Variants in AMER3 observed in about 807,000 individuals in gnomAD.
The protein encoded by AMER3 is family with sequence similarity 123C.
For synonymous variants in AMER3, 541 were observed against 485.5 expected (o/e 1.11, Z -1.50); for missense variants, 1,201 against 1,139.4 (o/e 1.05, Z -0.78).
chr2:130,765,026 A>C lies in AMER3; in HGVS notation c.*368A>C. The C allele has an allele frequency of 4.9e-6, 1 of 203,738 alleles. No individual in the cohort carries two copies. Among genetic ancestry groups the C allele is most frequent in the Non-Finnish European group, 1.1e-5 (1 of 91,660 alleles). 12.6% of individuals were successfully genotyped at this position (203,738 alleles called of 1,614,324 possible). On this transcript the variant is annotated 3_prime_UTR_variant, in exon 2 of 2. Transcript: ENST00000321420. ...GTGAATCCCAAAAGACGCAATCCCAAATGCCATAGTCCCAAGTGTTGAGAA... is the reference window on the plus strand; with the variant it reads ...GTGAATCCCAAAAGACGCAATCCCACATGCCATAGTCCCAAGTGTTGAGAA...
At position 130,764,509 on chromosome 2, in the gene AMER3, C is replaced by A; in HGVS notation, c.2437C>A (p.Leu813Met). ...TTCCCAGGGCCACCATCCAGAAAGC[C>A]TGGGCCTCACTTTGAACAGCCAGCA... ...WSSQGHHPES[L>M]GLTLNSQQEG... The change falls in exon 2 of 2, where the codon CTG (leucine) becomes ATG (methionine). Residue 813 changes from leucine to methionine, a missense_variant. Physicochemically the swap from Leu to Met is conservative, Grantham distance 15 (BLOSUM62 2). Transcript: ENST00000321420. 1 of 1,602,194 alleles carries A rather than the reference C, an allele frequency of 6.2e-7. No homozygotes were observed. The highest frequency in any genetic ancestry group is 8.5e-7 in the Non-Finnish European group (1 of 1,174,994).
rs1678963711 is a variant in AMER3, at chr2:130,765,702, A to G, written c.*1044A>G. 6.0e-6 allele frequency: 1 copy of G among 167,064 alleles called. No individual in the cohort carries two copies. The highest frequency in any genetic ancestry group is 1.5e-5 in the Non-Finnish European group (1 of 68,140). 10.3% of individuals were successfully genotyped at this position (167,064 alleles called of 1,614,324 possible). A position where few individuals can be genotyped will look rare whatever the true frequency, so the allele number is the denominator to read the frequency against. ...AGAGTCCAAAGGCCAGCGAGCCTGA[A>G]GCTCTGATGTCAAGGCAGTGGAAGA... On this transcript the variant is annotated 3_prime_UTR_variant, in exon 2 of 2. Transcript: ENST00000321420.
intron 1 of AMER3, among the ~76,000 whole-genome samples, chr2:130,757,341 A>G (rs754681503): frequency 1.9e-4 from 29 of 152,294 alleles, no homozygotes; most frequent in Non-Finnish European, 3.2e-4. Flanking sequence ...AGTCTCTGCC[A>G]CCACCTTCTC....
chr2:130,757,305 T>C (rs1205767634), intron 1 of AMER3, among the ~76,000 whole-genome samples: 1 of 152,238 alleles, frequency 6.6e-6, no homozygotes, highest in Non-Finnish European at 1.5e-5. Context: ...TGTAAAACAC[T>C]GTGATGGGAG....
In AMER3 at chr2:130,763,765, A is replaced by C. The variant is rs1678889524; in HGVS notation, c.1693A>C (p.Arg565=). ...GGCGACAGTTTGCTCAGCACCCAGC[A>C]GGCAGGAGCTGTGGGCACACCCGGG... The part of the protein sequence containing the change: ...GGATVCSAPS[R]QELWAHPGTT... The change falls in exon 2 of 2, where the codon AGG becomes CGG. Residue 565 remains arginine (R), a synonymous_variant. Coordinates refer to ENST00000321420, the MANE Select transcript of AMER3 (RefSeq NM_152698.3). The C allele has an allele frequency of 6.3e-7, 1 of 1,599,536 alleles. No individual in the cohort carries two copies. Among genetic ancestry groups the C allele is most frequent in the Non-Finnish European group, 8.5e-7 (1 of 1,172,790 alleles).
At position 130,760,188 on chromosome 2, in the gene AMER3, TG is replaced by T. The variant is rs1261384793; in HGVS notation, c.-19-1864del. On this transcript the variant is annotated intron_variant, in intron 1 of 1. Transcript: ENST00000321420. ...CAGCTGGAGCCCAGCCCAGGTTCTG[TG>T]GCTCTCCTGGCATGGTGCCTACTTC... Among the ~76,000 whole-genome samples, 6 of 152,364 alleles carry T rather than the reference TG, an allele frequency of 3.9e-5. No homozygotes were observed. In the South Asian group the frequency reaches 6.2e-4, roughly 16 times the overall value.
chr2:130,763,923 G>A lies in AMER3; in HGVS notation c.1851G>A (p.Glu617=), dbSNP rs771569016. The A allele has an allele frequency of 1.2e-6, 2 of 1,613,708 alleles. No homozygotes were observed. The highest frequency in any genetic ancestry group is 2.2e-5 in the South Asian group (2 of 91,090). Residue 617 remains glutamate, a synonymous_variant, in exon 2 of 2, where the codon GAG becomes GAA. Coordinates refer to ENST00000321420, the MANE Select transcript of AMER3 (RefSeq NM_152698.3). ...CTGAAGGCTTGTTCTCCTCTATGGA[G>A]TCTGCAGCCACTTCGACAACAGATA... is the stretch of plus-strand genomic sequence containing the variant. ...GHSEGLFSSM[E]SAATSTTDTS... is the part of the protein sequence containing the mutation.
chr2:130,757,159 A>C (rs766167170), intron 1 of AMER3, among the ~76,000 whole-genome samples: 1 of 152,232 alleles, frequency 6.6e-6, no homozygotes, highest in South Asian at 2.1e-4. Flanking sequence ...GAAAGGAAAA[A>C]AAAAGCCACG....
Position 130,763,169 on chromosome 2 carries a change from C to G in AMER3, c.1097C>G (p.Ser366Cys), listed in dbSNP as rs773236761. ...CCTCGCAGCGGCTCCAAAGCCAGCT[C>G]CATCGACACAGGCACCCCCAAGAGC... is the stretch of plus-strand genomic sequence containing the variant. ...RDPRSGSKAS[S>C]IDTGTPKSEQ... Residue 366 changes from serine to cysteine, a missense_variant, in exon 2 of 2, where the codon TCC becomes TGC. By Grantham distance (112) the Ser-to-Cys change is moderately radical. Coordinates refer to ENST00000321420, the MANE Select transcript of AMER3 (RefSeq NM_152698.3). 4 of 1,613,584 alleles carry G rather than the reference C, an allele frequency of 2.5e-6. No individual in the cohort carries two copies. Among genetic ancestry groups the G allele is most frequent in the Non-Finnish European group, 2.5e-6 (3 of 1,180,030 alleles).
In AMER3 at chr2:130,763,197, G is replaced by A. The variant is rs1251668228; in HGVS notation, c.1125G>A (p.Glu375=). Residue 375 remains glutamate, a synonymous_variant, in exon 2 of 2, where the codon GAG becomes GAA. Transcript: ENST00000321420. Reference sequence around the variant, plus strand: ...TCGACACAGGCACCCCCAAGAGCGAGCAGCCCGAATCCGTGTCCACAAGTG... The same window carrying A: ...TCGACACAGGCACCCCCAAGAGCGAACAGCCCGAATCCGTGTCCACAAGTG... ...SSIDTGTPKS[E]QPESVSTSDE... 3.1e-6 allele frequency: 5 copies of A among 1,613,784 alleles called. No individual in the cohort carries two copies. The highest frequency in any genetic ancestry group is 4.2e-6 in the Non-Finnish European group (5 of 1,180,024).
Position 130,762,345 on chromosome 2 carries a change from G to A in AMER3, c.273G>A (p.Lys91=), listed in dbSNP as rs746954182. 3.7e-6 allele frequency: 6 copies of A among 1,611,788 alleles called. No individual in the cohort carries two copies. The African/African-American group carries it at 5.3e-5, about 14-fold the overall frequency. The change falls in exon 2 of 2, where the codon AAG becomes AAA. Residue 91 remains lysine, a synonymous_variant. Coordinates refer to ENST00000321420, the MANE Select transcript of AMER3 (RefSeq NM_152698.3). ...GAGCCACCTTCAAACCGGTGCGAAAGTGCAAGACTCACGACAGCATGTCTG... is the reference window on the plus strand; with the variant it reads ...GAGCCACCTTCAAACCGGTGCGAAAATGCAAGACTCACGACAGCATGTCTG... ...LCGATFKPVR[K]CKTHDSMSGA...
In AMER3 at chr2:130,763,362, C is replaced by T. The variant is rs138397613; in HGVS notation, c.1290C>T (p.Ser430=). ...TCTACGAGCTCTTCCACGACCCCAG[C>T]GAGGGTCCTCTTGGCCCCAGCCCAG... The part of the protein sequence containing the change: ...DALYELFHDP[S]EGPLGPSPDD... The change falls in exon 2 of 2, where the codon AGC becomes AGT. Residue 430 remains serine, a synonymous_variant. Coordinates refer to ENST00000321420, the MANE Select transcript of AMER3 (RefSeq NM_152698.3). 2,286 of 1,613,276 alleles carry T rather than the reference C, an allele frequency of 1.4e-3. 8 individuals are homozygous for T. The highest frequency in any genetic ancestry group is 1.4e-3 in the Non-Finnish European group (1,661 of 1,180,002).
rs1678826626 is a variant in AMER3 at position 130,762,634 on chromosome 2, G to A, written c.562G>A (p.Gly188Arg). 1 of 1,611,762 alleles carries A rather than the reference G, an allele frequency of 6.2e-7. No individual in the cohort carries two copies. The highest frequency in any genetic ancestry group is 8.5e-7 in the Non-Finnish European group (1 of 1,179,854). Residue 188 changes from glycine to arginine, a missense_variant, in exon 2 of 2, where the codon GGG becomes AGG. Physicochemically the swap from Gly to Arg is moderately radical, Grantham distance 125. Coordinates refer to ENST00000321420, the MANE Select transcript of AMER3 (RefSeq NM_152698.3). Reference sequence around the variant, plus strand: ...CGAGGGGAAAAGCCTGCCCTCCCCAGGGGACCCGTCAGACCCTGGGGGGCG... The same window carrying A: ...CGAGGGGAAAAGCCTGCCCTCCCCAAGGGACCCGTCAGACCCTGGGGGGCG... The part of the protein sequence containing the change: ...AAEGKSLPSP[G>R]DPSDPGGRRS...
chr2:130,761,045 C>G (rs540784422), intron 1 of AMER3, among the ~76,000 whole-genome samples: 4 of 152,292 alleles, frequency 2.6e-5, no homozygotes, highest in African/African-American at 9.6e-5. Context: ...TCCATTGGGA[C>G]TGCCTCTGGC....
Position 130,764,719 on chromosome 2 carries a change from G to A in AMER3, c.*61G>A. The A allele has an allele frequency of 6.8e-7, 1 of 1,477,874 alleles. No individual in the cohort carries two copies. Among genetic ancestry groups the A allele is most frequent in the Admixed American group, 2.5e-5 (1 of 40,464 alleles). The allele number at this position is 1,477,874 out of a possible 1,614,324, so 91.5% of individuals were successfully genotyped here. ...TCATGACCACTTTCAGGAGAGCCTA[G>A]GACTCAAATCTCTATCTTTTGTCCC... On this transcript the variant is annotated 3_prime_UTR_variant, in exon 2 of 2. Transcript: ENST00000321420.
rs1473606841 is a variant in AMER3 at position 130,762,686 on chromosome 2, G to C, written c.614G>C (p.Gly205Ala). The C allele has an allele frequency of 1.2e-6, 2 of 1,611,406 alleles. No homozygotes were observed. Among genetic ancestry groups the C allele is most frequent in the Non-Finnish European group, 1.7e-6 (2 of 1,179,832 alleles). Reference sequence around the variant, plus strand: ...CGAAGCAAAGCCTTCCTCCCCCCGGGTGAGGGGCCGGGGCTGGACGGCCTG... The same window carrying C: ...CGAAGCAAAGCCTTCCTCCCCCCGGCTGAGGGGCCGGGGCTGGACGGCCTG... The part of the protein sequence containing the change: ...GRRSKAFLPP[G>A]EGPGLDGLCQ... The change falls in exon 2 of 2, where the codon GGT becomes GCT. Residue 205 changes from glycine to alanine, a missense_variant. Physicochemically the swap from Gly to Ala is moderately conservative, Grantham distance 60. Transcript: ENST00000321420.
rs1413274848 is a variant in AMER3, at chr2:130,763,708, G to C, written c.1636G>C (p.Gly546Arg). 6.4e-7 allele frequency: 1 copy of C among 1,557,646 alleles called. No individual in the cohort carries two copies. The highest frequency in any genetic ancestry group is 8.7e-7 in the Non-Finnish European group (1 of 1,155,858). The change falls in exon 2 of 2, where the codon GGC becomes CGC. Residue 546 changes from glycine (G) to arginine (R), a missense_variant. By Grantham distance (125) the Gly-to-Arg change is moderately radical. Transcript: ENST00000321420. ...TAGGGCACCCACAGAGAAGCTGGGG[G>C]GCAGGGAGGGCCTGGCCTCAGATGC... The part of the protein sequence containing the change: ...APRAPTEKLG[G>R]REGLASDAGG...
At chr2:130,757,329 G>A (rs1249077158) in intron 1 of AMER3, among the ~76,000 whole-genome samples, 1 of 152,186 alleles carries the variant, frequency 6.6e-6, no homozygotes, top group African/African-American at 2.4e-5. Context: ...CACAGACAGA[G>A]GAGTCTCTGC....
chr2:130,762,244 A>G lies in AMER3; in HGVS notation c.172A>G (p.Ser58Gly). 1.3e-6 allele frequency: 2 copies of G among 1,578,260 alleles called. No homozygotes were observed. The highest frequency in any genetic ancestry group is 1.7e-6 in the Non-Finnish European group (2 of 1,162,952). Residue 58 changes from serine to glycine, a missense_variant, in exon 2 of 2, where the codon AGT (serine) becomes GGT (glycine). Physicochemically the swap from Ser to Gly is moderately conservative, Grantham distance 56. Transcript: ENST00000321420. The stretch of plus-strand genomic sequence containing the variant: ...TGAGAAGGGCCCCCAAGCCAGCCCC[A>G]GTGCCCAAGAATACGACAGATGCCC... ...HSEKGPQASP[S>G]AQEYDRCPNK...
Sources: allele counts gnomAD v4.1 joint callset (sites outside exome capture counted in the v4.1 genomes callset), GRCh38; gene constraint gnomAD v4.1.1; transcripts MANE v1.5; gene names NCBI Gene and HGNC (gene_info 2026-07-23, HGNC 2026-07-21).